Variants in NR3C2 observed in about 807,000 individuals in gnomAD.
NR3C2 encodes the protein mineralocorticoid receptor.
NR3C2 carries 15 observed loss-of-function variants against 86.4 expected under a neutral mutation model. The observed-to-expected ratio is 0.17, with a 90% CI of 0.12 to 0.27. NR3C2 has a LOEUF of 0.27. NR3C2 is among the 10% of genes least tolerant of loss of function. NR3C2 has a pLI of 1.00. For synonymous variants in NR3C2, 458 were observed against 450.5 expected (o/e 1.02, Z -0.21); for missense variants, 960 against 1,195.6 (o/e 0.80, Z 2.91).
intron 3 of NR3C2, among the ~76,000 whole-genome samples, chr4:148,205,196 A>G (rs1402528346): frequency 1.3e-5 from 2 of 152,248 alleles, no homozygotes; most frequent in African/African-American, 4.8e-5. Context: ...GTAACAAAGG[A>G]CAACTGAATC....
intron 8 of NR3C2, among the ~76,000 whole-genome samples, chr4:148,094,399 G>A (rs1289709278): frequency 6.6e-6 from 1 of 152,178 alleles, no homozygotes; most frequent in Non-Finnish European, 1.5e-5. Flanking sequence ...CTGAAAGCAA[G>A]TGCTCAAATA....
chr4:148,434,062 C>T (rs1387481516), intron 2 of NR3C2, among the ~76,000 whole-genome samples: 2 of 152,150 alleles, frequency 1.3e-5, no homozygotes, highest in Non-Finnish European at 2.9e-5. Flanking sequence ...CACAGCAATA[C>T]ATGTAAACCC....
chr4:148,316,263 C>A (rs983837935), intron 2 of NR3C2, among the ~76,000 whole-genome samples: 2 of 152,012 alleles, frequency 1.3e-5, no homozygotes, highest in African/African-American at 4.8e-5. Flanking sequence ...TAGTGGTCAT[C>A]TGTGGTATAA....
chr4:148,134,635 C>CTTTTTTTTTTTTT (rs1449918599), intron 6 of NR3C2, among the ~76,000 whole-genome samples: 1 of 67,636 alleles, frequency 1.5e-5, no homozygotes, highest in African/African-American at 4.8e-5. Context: ...TTCTCTCTCT[C>CTTTTTTTTTTTTT]TCTCTCTCTT....
chr4:148,286,489 A>G (rs895457601), intron 2 of NR3C2, among the ~76,000 whole-genome samples: 1 of 152,234 alleles, frequency 6.6e-6, no homozygotes, highest in Admixed American at 6.5e-5. Context: ...GGTCACTGCA[A>G]AAAGAAAATT....
chr4:148,099,147 CT>C (rs1483003502), intron 8 of NR3C2, among the ~76,000 whole-genome samples: 54 of 152,356 alleles, frequency 3.5e-4, no homozygotes, highest in African/African-American at 1.2e-3. Context: ...TATATTATGC[CT>C]AGGCCAGGCT....
upstream of NR3C2, chr4:148,442,803 A>C: frequency 1.0e-6 from 1 of 985,382 alleles, no homozygotes; most frequent in South Asian, 4.7e-5. Flanking sequence ...CCCCACCCCC[A>C]TCGCTCGGCC....
At chr4:148,184,380 A>C (rs1381293442) in intron 4 of NR3C2, among the ~76,000 whole-genome samples, 4 of 151,456 alleles carry the variant, frequency 2.6e-5, no homozygotes, top group Admixed American at 2.6e-4. Flanking sequence ...AATCGCTTGA[A>C]CCCGGGAGGC....
At chr4:148,147,855 GCATGCTTTGAGTT>G in intron 6 of NR3C2, among the ~76,000 whole-genome samples, 1 of 152,178 alleles carries the variant, frequency 6.6e-6, no homozygotes, top group East Asian at 1.9e-4. Context: ...AATGTGTGAG[GCATGCTTTGAGTT>G]TTCTAGTTCA....
intron 2 of NR3C2, among the ~76,000 whole-genome samples, chr4:148,348,246 C>G (rs565292824): frequency 4.6e-5 from 7 of 152,112 alleles, no homozygotes; most frequent in Non-Finnish European, 8.8e-5. Flanking sequence ...ATTCCCCCAC[C>G]AGCCCTATCA....
intron 3 of NR3C2, among the ~76,000 whole-genome samples, chr4:148,244,471 G>A (rs1414486246): frequency 1.3e-5 from 2 of 152,172 alleles, no homozygotes; most frequent in African/African-American, 2.4e-5. Flanking sequence ...TTGAGTGTAA[G>A]TTTTGTCATT....
intron 6 of NR3C2, among the ~76,000 whole-genome samples, chr4:148,143,383 A>AGCAGCACTGCAG (rs1733703496): frequency 6.6e-6 from 1 of 152,202 alleles, no homozygotes; most frequent in Admixed American, 6.5e-5. Flanking sequence ...CCTGCTCTCT[A>AGCAGCACTGCAG]GCAGCACTGC....
At chr4:148,182,141 G>T (rs557774379) in intron 4 of NR3C2, among the ~76,000 whole-genome samples, 2 of 152,348 alleles carry the variant, frequency 1.3e-5, no homozygotes, top group East Asian at 3.9e-4. Flanking sequence ...AAGAAGGCGG[G>T]TAAAAGAAAC....
chr4:148,091,639 A>C (rs1731067113), intron 8 of NR3C2, among the ~76,000 whole-genome samples: 1 of 152,216 alleles, frequency 6.6e-6, no homozygotes, highest in Non-Finnish European at 1.5e-5. Context: ...CACCCTGTAC[A>C]TTCATGTGGG....
intron 6 of NR3C2, among the ~76,000 whole-genome samples, chr4:148,130,289 C>T (rs1732957560): frequency 6.6e-6 from 1 of 152,162 alleles, no homozygotes; most frequent in Non-Finnish European, 1.5e-5. Flanking sequence ...TCACATCAGC[C>T]GATTTTATAA....
At chr4:148,442,692 C>T (rs528855333), upstream of NR3C2, 3 of 985,426 alleles carry the variant, frequency 3.0e-6, no homozygotes, top group African/African-American at 5.2e-5. Flanking sequence ...TACAAAGTTG[C>T]TGCGACACAG....
intron 8 of NR3C2, among the ~76,000 whole-genome samples, chr4:148,101,884 T>TA (rs34244163): frequency 7.0e-4 from 105 of 150,352 alleles, no homozygotes; most frequent in Middle Eastern, 3.5e-3. Context: ...CTCTCAATAT[T>TA]AAAAAAAAAA....
At chr4:148,231,924 T>A (rs1205623967) in intron 3 of NR3C2, among the ~76,000 whole-genome samples, 1 of 152,192 alleles carries the variant, frequency 6.6e-6, no homozygotes, top group Non-Finnish European at 1.5e-5. Context: ...AAGCATTTCC[T>A]CATTAATTCA....
At chr4:148,207,702 G>T (rs969789713) in intron 3 of NR3C2, among the ~76,000 whole-genome samples, 5 of 152,104 alleles carry the variant, frequency 3.3e-5, no homozygotes, top group Admixed American at 6.5e-5. Flanking sequence ...TCTCACAGGG[G>T]CTTATAAAGA....
Sources: gnomAD v4.1 joint callset for allele counts (sites outside exome capture counted in the v4.1 genomes callset) on GRCh38, gnomAD v4.1.1 for gene constraint, MANE v1.5 for transcripts, NCBI Gene and HGNC (gene_info 2026-07-23, HGNC 2026-07-21) for gene names.